The following CDC42SE2 variants were observed in gnomAD, a reference collection of about 807,000 sequenced individuals.
CDC42SE2 encodes CDC42 small effector 2.
A neutral mutation model predicts 11.5 loss-of-function variants in CDC42SE2; 3 were observed. That is an observed-to-expected ratio of 0.26 (90% CI 0.12 to 0.67). The LOEUF (loss-of-function observed/expected upper bound fraction) is 0.67. Ranked by LOEUF, CDC42SE2 falls within the 30% of genes least tolerant of loss-of-function variation. The pLI, the probability that CDC42SE2 is intolerant of heterozygous loss-of-function variation, is 0.80. For missense variants in CDC42SE2, 82 were observed against 106.8 expected (o/e 0.77, Z 1.02); for synonymous variants, 33 against 34.8 (o/e 0.95, Z 0.18).
At chr5:131,322,955 G>A (rs1758221739) in intron 2 of CDC42SE2, among the ~76,000 whole-genome samples, 1 of 152,186 alleles carries the variant, frequency 6.6e-6, no homozygotes, top group Non-Finnish European at 1.5e-5. Context: ...TATTTTCTGT[G>A]TGTGGTTTTT....
intron 3 of CDC42SE2, among the ~76,000 whole-genome samples, chr5:131,378,957 T>G (rs1318146642): frequency 6.6e-6 from 1 of 152,236 alleles, no homozygotes; most frequent in South Asian, 2.1e-4. Context: ...TGAGCCTCAC[T>G]GTGTTTCCCT....
chr5:131,350,637 G>GTGTATA (rs147203202), intron 2 of CDC42SE2, among the ~76,000 whole-genome samples: 208 of 147,700 alleles, frequency 1.4e-3, no homozygotes, highest in African/African-American at 4.8e-3. Flanking sequence ...GTGTGTGTGT[G>GTGTATA]TATATATATA....
At chr5:131,385,091 C>T (rs1373773951) in intron 3 of CDC42SE2, among the ~76,000 whole-genome samples, 2 of 151,958 alleles carry the variant, frequency 1.3e-5, no homozygotes, top group Non-Finnish European at 2.9e-5. Context: ...TTCATTTTAG[C>T]ATAGAAAGGT....
intron 1 of CDC42SE2, among the ~76,000 whole-genome samples, chr5:131,315,606 C>A (rs1029357585): frequency 7.9e-5 from 12 of 152,122 alleles, no homozygotes; most frequent in African/African-American, 2.4e-4. Context: ...GCCAGATATT[C>A]TGATTTTTCA....
chr5:131,329,214 A>C (rs1389815505), intron 2 of CDC42SE2, among the ~76,000 whole-genome samples: 2 of 152,174 alleles, frequency 1.3e-5, no homozygotes, highest in African/African-American at 4.8e-5. Flanking sequence ...AATCTTAAAG[A>C]GCTTTTAGCA....
At chr5:131,341,817 C>T (rs1357872597) in intron 2 of CDC42SE2, among the ~76,000 whole-genome samples, 1 of 151,836 alleles carries the variant, frequency 6.6e-6, no homozygotes, top group Non-Finnish European at 1.5e-5. Flanking sequence ...ATCGTTTGAA[C>T]CCAGGAGGTG....
Position 131,393,992 on chromosome 5 carries a change from A to G in CDC42SE2, c.*2901A>G, listed in dbSNP as rs572254183. Reference sequence around the variant, plus strand: ...AGGAGCACATGCCAAAGTGCCTGGGAGGTGCCAATAAAATCAAGAAATAAG... The same window carrying G: ...AGGAGCACATGCCAAAGTGCCTGGGGGGTGCCAATAAAATCAAGAAATAAG... On this transcript the variant is annotated 3_prime_UTR_variant, in exon 5 of 5. Coordinates refer to ENST00000505065, the MANE Select transcript of CDC42SE2 (RefSeq NM_001375635.1). 2 of 152,380 alleles carry G rather than the reference A, an allele frequency of 1.3e-5. No individual in the cohort carries two copies. Among genetic ancestry groups the G allele is most frequent in the East Asian group, 3.8e-4 (2 of 5,320 alleles). The allele number at this position is 152,380 out of a possible 1,614,324, so 9.4% of individuals were successfully genotyped here.
intron 1 of CDC42SE2, among the ~76,000 whole-genome samples, chr5:131,265,236 T>C (rs1756835024): frequency 6.6e-6 from 1 of 152,220 alleles, no homozygotes; most frequent in Admixed American, 6.5e-5. Flanking sequence ...GGATTTTCTC[T>C]TTTGGTTTGA....
intron 1 of CDC42SE2, among the ~76,000 whole-genome samples, chr5:131,287,907 TTTA>T (rs1393103179): frequency 2.0e-5 from 3 of 152,260 alleles, no homozygotes; most frequent in Non-Finnish European, 2.9e-5. Flanking sequence ...TTTTTTTTCT[TTTA>T]TTATTTGATT....
intron 1 of CDC42SE2, among the ~76,000 whole-genome samples, chr5:131,280,218 T>G (rs965112171): frequency 1.3e-5 from 2 of 152,240 alleles, no homozygotes; most frequent in Non-Finnish European, 2.9e-5. Context: ...AATTATTCTC[T>G]TTTATGCACA....
At chr5:131,223,478 C>T in the CDC42SE2 span, among the ~76,000 whole-genome samples, 20 of 152,192 alleles carry the variant, frequency 1.3e-4, no homozygotes, top group Middle Eastern at 3.4e-3. Context: ...TCAAAAAATG[C>T]GATTTTCTAC....
intron 1 of CDC42SE2, among the ~76,000 whole-genome samples, chr5:131,309,193 A>T (rs1056134869): frequency 6.6e-6 from 1 of 152,168 alleles, no homozygotes; most frequent in African/African-American, 2.4e-5. Context: ...TTCTGCATCT[A>T]TTGAGATAAT....
At chr5:131,296,098 T>C (rs941407629) in intron 1 of CDC42SE2, among the ~76,000 whole-genome samples, 7 of 152,142 alleles carry the variant, frequency 4.6e-5, no homozygotes, top group African/African-American at 1.7e-4. Flanking sequence ...CAGACACACT[T>C]TTATTAAACT....
At chr5:131,278,717 C>T (rs1757159623) in intron 1 of CDC42SE2, among the ~76,000 whole-genome samples, 1 of 50,278 alleles carries the variant, frequency 2.0e-5, no homozygotes, top group African/African-American at 9.2e-5. Flanking sequence ...TTCCTCTCCC[C>T]TCCCCTCCCC....
rs532622716 is a variant in CDC42SE2 at position 131,322,581 on chromosome 5, A to AAGT, written c.-286+6442_-286+6444dup. Reference sequence around the variant, plus strand: ...AGGCTGGACTTGAAGTCGTGGGCTCAAGTAGTACTCTGGCATCAGTCTTGT... The same window carrying AAGT: ...AGGCTGGACTTGAAGTCGTGGGCTCAAGTAGTAGTACTCTGGCATCAGTCTTGT... On this transcript the variant is annotated intron_variant, in intron 2 of 4. Coordinates refer to ENST00000505065, the MANE Select transcript of CDC42SE2 (RefSeq NM_001375635.1). Among the ~76,000 whole-genome samples, 483 of 152,278 alleles carry AAGT rather than the reference A, an allele frequency of 3.2e-3. 2 individuals carry two copies. The highest frequency in any genetic ancestry group is 0.011 in the African/African-American group (461 of 41,554).
chr5:131,387,841 T>C (rs1392457025), intron 4 of CDC42SE2, among the ~76,000 whole-genome samples: 1 of 152,168 alleles, frequency 6.6e-6, no homozygotes, highest in African/African-American at 2.4e-5. Flanking sequence ...AAGTGGACTT[T>C]TTATGAAGTA....
At chr5:131,368,236 G>C (rs988001614) in intron 3 of CDC42SE2, among the ~76,000 whole-genome samples, 11 of 116,656 alleles carry the variant, frequency 9.4e-5, no homozygotes, top group African/African-American at 3.8e-4. Context: ...CTGGGCAATA[G>C]AGTGAGACTC....
intron 1 of CDC42SE2, among the ~76,000 whole-genome samples, chr5:131,289,727 G>T (rs1757412626): frequency 6.6e-6 from 1 of 151,532 alleles, no homozygotes; most frequent in Non-Finnish European, 1.5e-5. Flanking sequence ...AGTATTTCTT[G>T]TTTTGCTCAC....
intron 1 of CDC42SE2, among the ~76,000 whole-genome samples, chr5:131,275,288 A>G (rs1757078071): frequency 6.6e-6 from 1 of 150,974 alleles, no homozygotes; most frequent in Non-Finnish European, 1.5e-5. Context: ...AATTTGGACT[A>G]TATTGTAATC....
Sources: allele counts gnomAD v4.1 joint callset (sites outside exome capture counted in the v4.1 genomes callset), GRCh38; gene constraint gnomAD v4.1.1; transcripts MANE v1.5; gene names NCBI Gene and HGNC (gene_info 2026-07-23, HGNC 2026-07-21).